The following PTPRD variants were observed in gnomAD, a reference collection of about 807,000 sequenced individuals.
The protein encoded by PTPRD is receptor-type tyrosine-protein phosphatase delta.
In PTPRD, 34 loss-of-function variants were observed where a neutral mutation model predicts 214.5. The observed-to-expected ratio is 0.16, with a 90% CI of 0.12 to 0.21. The LOEUF (loss-of-function observed/expected upper bound fraction) is 0.21. PTPRD is among the 10% of genes least tolerant of loss of function. The probability of loss-of-function intolerance (pLI) is 1.00; values close to 1 mark genes in which losing one functional copy is unlikely to be tolerated. For synonymous variants in PTPRD, 1,128 were observed against 845.7 expected, an observed-to-expected ratio of 1.33 and a Z score of -5.79; for missense variants, 2,545 against 2,398.7, an observed-to-expected ratio of 1.06 and a Z score of -1.27.
At chr9:9,112,968 C>T (rs58522079) in intron 10 of PTPRD, among the ~76,000 whole-genome samples, 5,339 of 125,482 alleles carry the variant, frequency 0.043, 179 homozygotes, top group African/African-American at 0.092. Flanking sequence ...CTATTTTTTT[C>T]TTTTTTTTTT....
intron 36 of PTPRD, among the ~76,000 whole-genome samples, chr9:8,398,477 A>G (rs1482624501): frequency 6.6e-6 from 1 of 152,174 alleles, no homozygotes; most frequent in Non-Finnish European, 1.5e-5. Flanking sequence ...GGAACTTTAA[A>G]TATATGACCC....
intron 5 of PTPRD, among the ~76,000 whole-genome samples, chr9:9,835,048 T>TA (rs905741517): frequency 2.7e-4 from 41 of 152,074 alleles, no homozygotes; most frequent in Non-Finnish European, 2.5e-4. Context: ...GGTACTTAGT[T>TA]ACATAATCAT....
At chr9:9,849,131 G>A (rs1366226503) in intron 5 of PTPRD, among the ~76,000 whole-genome samples, 1 of 151,752 alleles carries the variant, frequency 6.6e-6, no homozygotes, top group East Asian at 2.0e-4. Context: ...TAAAGTTGTT[G>A]ATTTACTTTC....
intron 10 of PTPRD, among the ~76,000 whole-genome samples, chr9:9,098,321 C>A (rs10977490): frequency 6.6e-6 from 1 of 151,886 alleles, no homozygotes; most frequent in African/African-American, 2.4e-5. Context: ...CAGTGGTGTG[C>A]TGTTGGCTCA....
chr9:10,358,188 A>T (rs1196663928), intron 2 of PTPRD, among the ~76,000 whole-genome samples: 1 of 152,068 alleles, frequency 6.6e-6, no homozygotes, highest in Non-Finnish European at 1.5e-5. Context: ...GAAAAATAGC[A>T]TGGTGAGATA....
chr9:9,216,772 T>C (rs1026556747), intron 9 of PTPRD, among the ~76,000 whole-genome samples: 1 of 152,134 alleles, frequency 6.6e-6, no homozygotes, highest in African/African-American at 2.4e-5. Context: ...TGAAATAATA[T>C]TAGGGTTATT....
At chr9:10,493,659 T>C (rs975159506) in intron 2 of PTPRD, among the ~76,000 whole-genome samples, 1 of 152,032 alleles carries the variant, frequency 6.6e-6, no homozygotes, top group Non-Finnish European at 1.5e-5. Flanking sequence ...TAATACCACA[T>C]AACATCAAAC....
intron 39 of PTPRD, among the ~76,000 whole-genome samples, chr9:8,358,607 T>G (rs12349895): frequency 0.043 from 6,611 of 152,222 alleles, 483 homozygotes; most frequent in African/African-American, 0.15. Context: ...CAAAATACAT[T>G]TTAAATAATA....
chr9:8,405,637 T>C (rs1001694434), intron 35 of PTPRD, among the ~76,000 whole-genome samples: 1 of 152,198 alleles, frequency 6.6e-6, no homozygotes, highest in Non-Finnish European at 1.5e-5. Flanking sequence ...TTAAGATTTA[T>C]AATTTCATTG....
intron 33 of PTPRD, among the ~76,000 whole-genome samples, chr9:8,450,118 G>T (rs894913326): frequency 3.3e-5 from 5 of 152,106 alleles, no homozygotes; most frequent in African/African-American, 1.2e-4. Context: ...AGGGATCTTG[G>T]TGAGATACGC....
At chr9:8,774,020 G>C (rs2154487692) in intron 11 of PTPRD, among the ~76,000 whole-genome samples, 1 of 152,170 alleles carries the variant, frequency 6.6e-6, no homozygotes, top group Admixed American at 6.5e-5. Context: ...GCGCAAAGGA[G>C]CCATCTATTA....
At chr9:9,554,451 G>C (rs962836071) in intron 8 of PTPRD, among the ~76,000 whole-genome samples, 4 of 151,754 alleles carry the variant, frequency 2.6e-5, no homozygotes, top group Non-Finnish European at 4.4e-5. Flanking sequence ...GGTTACACTG[G>C]GAGCTATTTA....
At chr9:8,937,764 G>C (rs890071394) in intron 11 of PTPRD, among the ~76,000 whole-genome samples, 2 of 152,102 alleles carry the variant, frequency 1.3e-5, no homozygotes, top group South Asian at 4.1e-4. Flanking sequence ...TTTAATCTTT[G>C]GCATTTTATT....
chr9:9,797,739 G>GT (rs1411329572), intron 5 of PTPRD, among the ~76,000 whole-genome samples: 1 of 124,938 alleles, frequency 8.0e-6, no homozygotes, highest in Non-Finnish European at 1.8e-5. Context: ...CCAGCTACTC[G>GT]GGGGGGGCTG....
rs534807392 is a variant in PTPRD, at chr9:9,112,192, G to C, written c.-143+71112C>G. Reference sequence around the variant, plus strand: ...TTGGCATGAAAAATGGAAACACTGGGACCGTGAAAGCACTGTCTACATTTC... The same window carrying C: ...TTGGCATGAAAAATGGAAACACTGGCACCGTGAAAGCACTGTCTACATTTC... On this transcript the variant is annotated intron_variant, in intron 10 of 45. Transcript: ENST00000381196. 2.0e-5 allele frequency among the ~76,000 whole-genome samples: 3 copies of C among 152,250 alleles called. No homozygotes were observed. In the East Asian group the frequency reaches 5.8e-4, roughly 29 times the overall value.
intron 9 of PTPRD, among the ~76,000 whole-genome samples, chr9:9,206,797 G>T (rs941242212): frequency 6.6e-6 from 1 of 152,140 alleles, no homozygotes; most frequent in Non-Finnish European, 1.5e-5. Flanking sequence ...ACAGACTGAA[G>T]GCTGCACTAC....
chr9:9,741,618 C>G (rs890125503), intron 6 of PTPRD, among the ~76,000 whole-genome samples: 1 of 152,138 alleles, frequency 6.6e-6, no homozygotes. Flanking sequence ...CCCCCAAACC[C>G]TGACAGGCCC....
chr9:8,865,559 T>C (rs111852214), intron 11 of PTPRD, among the ~76,000 whole-genome samples: 2,124 of 152,234 alleles, frequency 0.014, 46 homozygotes, highest in African/African-American at 0.048. Flanking sequence ...TCTCATTCTT[T>C]TCCTTTTCTT....
intron 2 of PTPRD, among the ~76,000 whole-genome samples, chr9:10,551,448 G>A (rs2061336994): frequency 6.6e-6 from 1 of 152,246 alleles, no homozygotes; most frequent in African/African-American, 2.4e-5. Flanking sequence ...TTGAAATCGT[G>A]ACCCTGAAGG....
Sources: allele counts gnomAD v4.1 joint callset (sites outside exome capture counted in the v4.1 genomes callset), GRCh38; gene constraint gnomAD v4.1.1; transcripts MANE v1.5; gene names NCBI Gene and HGNC (gene_info 2026-07-23, HGNC 2026-07-21).